RBKS: variants seen among roughly 807,000 people sequenced by gnomAD.
The protein encoded by RBKS is ribokinase.
In RBKS, 33 loss-of-function variants were observed where a neutral mutation model predicts 33.9. The ratio of observed to expected loss-of-function variants is 0.97; its 90% CI spans 0.74 to 1.30. RBKS has a LOEUF of 1.30. Ranked by LOEUF, RBKS falls within the 50% of genes most tolerant of loss-of-function variation. The pLI, the probability that RBKS is intolerant of heterozygous loss-of-function variation, is 0.00. For missense variants in RBKS, 361 were observed against 392.6 expected (o/e 0.92, Z 0.68); for synonymous variants, 125 against 143.0 (o/e 0.87, Z 0.90).
At position 27,883,275 on chromosome 2, in the gene RBKS, C is replaced by T. The variant is rs543732538; in HGVS notation, c.89+6982G>A. 2.0e-5 allele frequency among the ~76,000 whole-genome samples: 3 copies of T among 151,646 alleles called. No homozygotes were observed. The East Asian group carries it at 5.8e-4, about 30-fold the overall frequency. ...AGTGCAGTGGCACGATCTCAGCTCA[C>T]TGCAAGCTCCGCCTCCCTGGTTCAC... On this transcript the variant is annotated intron_variant, in intron 1 of 7. Transcript: ENST00000302188.
chr2:27,883,099 T>A (rs920956249), intron 1 of RBKS, among the ~76,000 whole-genome samples: 4 of 151,814 alleles, frequency 2.6e-5, no homozygotes, highest in African/African-American at 9.7e-5. Flanking sequence ...AAAATAAAAG[T>A]GAAAAAAGAT....
At chr2:27,843,330 A>T in intron 4 of RBKS, 99 bp from the exon 5 acceptor site, 1 of 869,540 alleles carries the variant, frequency 1.2e-6, no homozygotes, top group South Asian at 2.2e-5. Context: ...AAGTCATTAT[A>T]CAAAATGTGT....
At chr2:27,825,136 CA>C (rs35672800) in intron 7 of RBKS, among the ~76,000 whole-genome samples, 49,209 of 138,458 alleles carry the variant, frequency 0.36, 9,437 homozygotes, top group East Asian at 0.64. Context: ...GAACCTGTCT[CA>C]AAAAAAAAAA....
intron 1 of RBKS, among the ~76,000 whole-genome samples, chr2:27,883,573 G>A (rs899091663): frequency 2.0e-5 from 3 of 152,092 alleles, no homozygotes; most frequent in African/African-American, 7.2e-5. Context: ...CAAAATACTA[G>A]AGCAAAACTC....
At chr2:27,821,986 C>T (rs1678221335) in intron 7 of RBKS, among the ~76,000 whole-genome samples, 1 of 152,156 alleles carries the variant, frequency 6.6e-6, no homozygotes, top group Admixed American at 6.5e-5. Context: ...TGCAAAGGCT[C>T]TATTCAAGGA....
At chr2:27,797,806 C>T (rs1483319740) in intron 7 of RBKS, among the ~76,000 whole-genome samples, 1 of 152,102 alleles carries the variant, frequency 6.6e-6, no homozygotes, top group Non-Finnish European at 1.5e-5. Flanking sequence ...AGAGTCTGAC[C>T]TGGATCAGGA....
chr2:27,786,261 ATTGT>A (rs1160531150), intron 7 of RBKS, among the ~76,000 whole-genome samples: 2 of 152,110 alleles, frequency 1.3e-5, no homozygotes, highest in Admixed American at 1.3e-4. Flanking sequence ...ATACTTTTAT[ATTGT>A]TTGATTTGCT....
intron 7 of RBKS, among the ~76,000 whole-genome samples, chr2:27,784,654 A>G (rs1394469998): frequency 6.6e-6 from 1 of 152,230 alleles, no homozygotes; most frequent in African/African-American, 2.4e-5. Flanking sequence ...AGGAAGGACC[A>G]GAGTGAGCTC....
At chr2:27,877,265 G>A (rs1040303080) in intron 1 of RBKS, among the ~76,000 whole-genome samples, 2 of 151,668 alleles carry the variant, frequency 1.3e-5, no homozygotes, top group African/African-American at 4.8e-5. Flanking sequence ...TTTGTTACAT[G>A]GGTGGTTGAG....
At chr2:27,805,525 C>T (rs1677879230) in intron 7 of RBKS, among the ~76,000 whole-genome samples, 2 of 152,126 alleles carry the variant, frequency 1.3e-5, no homozygotes, top group African/African-American at 4.8e-5. Flanking sequence ...TTTCCCGGGT[C>T]CTTGTAGGAA....
chr2:27,818,768 A>C (rs1678145120), intron 7 of RBKS, among the ~76,000 whole-genome samples: 1 of 152,212 alleles, frequency 6.6e-6, no homozygotes, highest in Non-Finnish European at 1.5e-5. Flanking sequence ...GGAATTTCAG[A>C]GGTCAGAGGT....
At chr2:27,798,520 C>A (rs2148187243) in intron 7 of RBKS, among the ~76,000 whole-genome samples, 1 of 152,198 alleles carries the variant, frequency 6.6e-6, no homozygotes, top group Non-Finnish European at 1.5e-5. Context: ...CAAATCTGTC[C>A]TCTTGTCTCC....
At chr2:27,809,981 T>G (rs1352304911) in intron 7 of RBKS, 1 of 1,304,334 alleles carries the variant, frequency 7.7e-7, no homozygotes, top group Non-Finnish European at 1.0e-6. Context: ...TTCTCTGGGT[T>G]ATTTATAATG....
intron 7 of RBKS, among the ~76,000 whole-genome samples, chr2:27,801,581 G>A (rs1241442550): frequency 3.3e-5 from 5 of 151,468 alleles, no homozygotes; most frequent in Non-Finnish European, 7.4e-5. Flanking sequence ...TACATATTCA[G>A]TACAAACTGT....
intron 2 of RBKS, among the ~76,000 whole-genome samples, chr2:27,852,651 A>G (rs1319003080): frequency 6.6e-6 from 1 of 152,200 alleles, no homozygotes; most frequent in African/African-American, 2.4e-5. Flanking sequence ...ACTCCTCAAC[A>G]TACATTTGGG....
chr2:27,862,405 TACG>T (rs919053345), intron 1 of RBKS, among the ~76,000 whole-genome samples: 3 of 152,180 alleles, frequency 2.0e-5, no homozygotes, highest in Admixed American at 6.5e-5. Flanking sequence ...CATAAATACA[TACG>T]ACAAGAATAT....
chr2:27,867,290 G>C (rs977996795), intron 1 of RBKS, among the ~76,000 whole-genome samples: 2 of 151,902 alleles, frequency 1.3e-5, no homozygotes, highest in African/African-American at 4.8e-5. Flanking sequence ...TTGAATGAAC[G>C]GTCTACAGCT....
intron 7 of RBKS, among the ~76,000 whole-genome samples, chr2:27,792,227 C>T (rs554627837): frequency 6.6e-6 from 1 of 152,196 alleles, no homozygotes; most frequent in African/African-American, 2.4e-5. Context: ...CTAAAGATTT[C>T]TTTCTTCTGG....
chr2:27,789,868 A>G lies in RBKS; in HGVS notation c.796-8080T>C, dbSNP rs1006673370. ...GTGAACCACCATGCCTGGCCAGCTG[A>G]TGTGTGTGTGTGTGTGTGTGTGTGT... On this transcript the variant is annotated intron_variant, in intron 7 of 7. Transcript: ENST00000302188. 6.9e-5 allele frequency among the ~76,000 whole-genome samples: 9 copies of G among 131,110 alleles called. No individual in the cohort carries two copies. In the East Asian group the frequency reaches 1.1e-3, roughly 17 times the overall value. The allele number at this position is 131,110 out of a possible 152,430, so 86.0% of individuals were successfully genotyped here. A position where few individuals can be genotyped will look rare whatever the true frequency, so the allele number is the denominator to read the frequency against.
Sources: gnomAD v4.1 joint callset for allele counts (sites outside exome capture counted in the v4.1 genomes callset) on GRCh38, gnomAD v4.1.1 for gene constraint, MANE v1.5 for transcripts, NCBI Gene and HGNC (gene_info 2026-07-23, HGNC 2026-07-21) for gene names.